COL8A1: variants seen among roughly 807,000 people sequenced by gnomAD.
COL8A1 encodes the protein collagen alpha-1(VIII) chain.
Under a neutral mutation model 42.7 loss-of-function variants are expected in COL8A1, and 21 were observed. The observed-to-expected ratio is 0.49, with a 90% CI of 0.35 to 0.71. The LOEUF (loss-of-function observed/expected upper bound fraction) is 0.71, where lower values mean the gene tolerates loss of function less well. Ranked by LOEUF, COL8A1 falls within the 30% of genes least tolerant of loss-of-function variation. The pLI, the probability that COL8A1 is intolerant of heterozygous loss-of-function variation, is 0.01. For missense variants in COL8A1, 788 were observed against 962.4 expected (o/e 0.82, Z 2.40); for synonymous variants, 367 against 369.1 (o/e 0.99, Z 0.06).
chr3:99,778,394 C>CT (rs1356102549), intron 2 of COL8A1, among the ~76,000 whole-genome samples: 3 of 152,146 alleles, frequency 2.0e-5, no homozygotes, highest in Admixed American at 1.3e-4. Context: ...AACTTCAGAG[C>CT]TTTTTCCTTG....
rs1302592422 is a variant in COL8A1 at position 99,798,627 on chromosome 3, T to C, written c.*2491T>C. 1 of 151,774 alleles carries C rather than the reference T, an allele frequency of 6.6e-6. No individual in the cohort carries two copies. The highest frequency in any genetic ancestry group is 2.4e-5 in the African/African-American group (1 of 41,394). The allele number at this position is 151,774 out of a possible 1,614,324, so 9.4% of individuals were successfully genotyped here. On this transcript the variant is annotated 3_prime_UTR_variant, in exon 4 of 4. Coordinates refer to ENST00000652472, the MANE Select transcript of COL8A1 (RefSeq NM_020351.4). ...CTATATATATATATATATGTGTGTGTGTGTGTGTGTGCGCGTGAGCGCACG... is the reference window on the plus strand; with the variant it reads ...CTATATATATATATATATGTGTGTGCGTGTGTGTGTGCGCGTGAGCGCACG...
chr3:99,700,771 C>T (rs1939513607), intron 1 of COL8A1, among the ~76,000 whole-genome samples: 1 of 152,182 alleles, frequency 6.6e-6, no homozygotes, highest in African/African-American at 2.4e-5. Context: ...ACTACCAAAA[C>T]ATGGCTGAGT....
intron 1 of COL8A1, among the ~76,000 whole-genome samples, chr3:99,660,124 C>T (rs1938157108): frequency 6.6e-6 from 1 of 152,174 alleles, no homozygotes; most frequent in African/African-American, 2.4e-5. Context: ...AACCCGGAAT[C>T]ACGCAGGACA....
chr3:99,776,562 A>G (rs1941696489), intron 2 of COL8A1, among the ~76,000 whole-genome samples: 1 of 152,208 alleles, frequency 6.6e-6, no homozygotes, highest in Non-Finnish European at 1.5e-5. Flanking sequence ...AGCAAAAAAA[A>G]TTAGGAATAA....
chr3:99,768,477 C>T (rs1941506648), intron 2 of COL8A1, among the ~76,000 whole-genome samples: 3 of 152,222 alleles, frequency 2.0e-5, no homozygotes, highest in Admixed American at 6.5e-5. Context: ...CACCATTTTA[C>T]AGGTGAAGAG....
chr3:99,687,818 C>A (rs144845836), intron 1 of COL8A1, among the ~76,000 whole-genome samples: 1 of 152,282 alleles, frequency 6.6e-6, no homozygotes. Flanking sequence ...AAATGTTTAT[C>A]ATTTTGGCAA....
At chr3:99,729,624 T>C (rs1242917314) in intron 1 of COL8A1, among the ~76,000 whole-genome samples, 1 of 152,078 alleles carries the variant, frequency 6.6e-6, no homozygotes, top group Non-Finnish European at 1.5e-5. Flanking sequence ...TAGTTCAGAA[T>C]TGATCCTATT....
intron 2 of COL8A1, among the ~76,000 whole-genome samples, chr3:99,764,078 C>T (rs1171886448): frequency 6.6e-6 from 1 of 152,194 alleles, no homozygotes; most frequent in African/African-American, 2.4e-5. Flanking sequence ...CAGCCTCCTC[C>T]TCCTCAGGCC....
Position 99,703,914 on chromosome 3 carries a change from T to G in COL8A1, c.-128-40983T>G, listed in dbSNP as rs531207659. 7.9e-5 allele frequency among the ~76,000 whole-genome samples: 12 copies of G among 152,350 alleles called. No homozygotes were observed. The South Asian group carries it at 1.9e-3, about 24-fold the overall frequency. ...AGTGGATATATTTTTTACTCACTTC[T>G]CATCTATGGTTTTTTTTAATTCAAT... On this transcript the variant is annotated intron_variant, in intron 1 of 3. Transcript: ENST00000652472.
At chr3:99,765,882 G>T (rs1941455607) in intron 2 of COL8A1, among the ~76,000 whole-genome samples, 1 of 152,134 alleles carries the variant, frequency 6.6e-6, no homozygotes, top group Non-Finnish European at 1.5e-5. Context: ...TTTCAGAAAA[G>T]TGTACTAAAT....
intron 1 of COL8A1, among the ~76,000 whole-genome samples, chr3:99,743,494 T>C (rs533078547): frequency 5.3e-5 from 8 of 152,322 alleles, no homozygotes; most frequent in African/African-American, 1.7e-4. Flanking sequence ...TTTACAGTCA[T>C]TTCGCAGATA....
intron 1 of COL8A1, among the ~76,000 whole-genome samples, chr3:99,715,834 T>A (rs887267833): frequency 6.6e-6 from 1 of 151,948 alleles, no homozygotes; most frequent in Non-Finnish European, 1.5e-5. Context: ...GGGGTTGGGG[T>A]AAAGTCTTGA....
Position 99,790,974 on chromosome 3 carries a change from A to G in COL8A1, c.292A>G (p.Arg98Gly), listed in dbSNP as rs1354339844. ...TATGAAGGAAATTCAACCGGCGCCA[A>G]GAATGGGCAAGGAAGCCGTACCCAA... ...QYMKEIQPAPRMGKEAVPKKG... is the reference protein window; with the variant it reads ...QYMKEIQPAPGMGKEAVPKKG... Residue 98 changes from arginine (R) to glycine (G), a missense_variant, in exon 3 of 4, where the codon AGA becomes GGA. By Grantham distance (125) the Arg-to-Gly change is moderately radical (BLOSUM62 -2). This residue lies in a region of COL8A1 where 421 missense variants were observed against 553.1 expected (regional missense o/e 0.76). Transcript: ENST00000652472. 2 of 1,613,442 alleles carry G rather than the reference A, an allele frequency of 1.2e-6. No homozygotes were observed. The highest frequency in any genetic ancestry group is 2.2e-5 in the East Asian group (1 of 44,856).
intron 1 of COL8A1, among the ~76,000 whole-genome samples, chr3:99,663,607 A>G (rs1938274530): frequency 6.6e-6 from 1 of 152,150 alleles, no homozygotes; most frequent in South Asian, 2.1e-4. Context: ...CCTTTAAATC[A>G]TATTTTCCAA....
chr3:99,734,562 A>G (rs1275421511), intron 1 of COL8A1, among the ~76,000 whole-genome samples: 2 of 151,894 alleles, frequency 1.3e-5, no homozygotes, highest in Admixed American at 6.6e-5. Flanking sequence ...GCCTTGTAGT[A>G]TAGTTTGAAG....
intron 2 of COL8A1, among the ~76,000 whole-genome samples, chr3:99,770,577 G>C (rs138801622): frequency 6.6e-6 from 1 of 152,252 alleles, no homozygotes; most frequent in Non-Finnish European, 1.5e-5. Context: ...TGATAGCACA[G>C]GTGACAATAA....
chr3:99,727,629 C>T (rs569556373), intron 1 of COL8A1, among the ~76,000 whole-genome samples: 18 of 151,890 alleles, frequency 1.2e-4, no homozygotes, highest in African/African-American at 3.4e-4. Flanking sequence ...TGTAGATATG[C>T]GGCATTATTT....
At chr3:99,767,286 C>T (rs1340126771) in intron 2 of COL8A1, among the ~76,000 whole-genome samples, 1 of 152,148 alleles carries the variant, frequency 6.6e-6, no homozygotes, top group Non-Finnish European at 1.5e-5. Context: ...GCTCCTCAGA[C>T]ACAAGGTTTT....
intron 1 of COL8A1, among the ~76,000 whole-genome samples, chr3:99,734,286 T>C (rs1257879391): frequency 1.4e-5 from 2 of 140,090 alleles, no homozygotes; most frequent in Admixed American, 1.4e-4. Context: ...GTTTTAGGTC[T>C]AACATTTAAG....
Sources: allele counts gnomAD v4.1 joint callset (sites outside exome capture counted in the v4.1 genomes callset), GRCh38; gene constraint gnomAD v4.1.1; regional missense constraint gnomAD v4.1.1; transcripts MANE v1.5; gene names NCBI Gene and HGNC (gene_info 2026-07-23, HGNC 2026-07-21).